SERPINB13: variants seen among roughly 807,000 people sequenced by gnomAD.
The protein encoded by SERPINB13 is serpin family B member 13, also known as serpin B13.
SERPINB13 carries 26 observed loss-of-function variants against 31.2 expected under a neutral mutation model. That is an observed-to-expected ratio of 0.83 (90% confidence interval 0.61 to 1.15). The LOEUF is 1.15. Among genes scored for constraint, SERPINB13 ranks in the 50% most tolerant of loss-of-function variants. SERPINB13 has a pLI of 0.00. For missense variants in SERPINB13, 510 were observed against 469.4 expected (o/e 1.09, Z -0.80); for synonymous variants, 191 against 172.4 (o/e 1.11, Z -0.85).
rs547129439 is a variant in SERPINB13 at position 63,595,178 on chromosome 18, G to A, written c.765G>A (p.Leu255=). 6.2e-7 allele frequency: 1 copy of A among 1,611,616 alleles called. No homozygotes were observed. The highest frequency in any genetic ancestry group is 2.2e-5 in the East Asian group (1 of 44,870). The change falls in exon 7 of 8, where the codon CTG becomes CTA. Residue 255 remains leucine, a synonymous_variant. Transcript: ENST00000344731. ...FVLLPNDIDG[L]EKIIDKISPE... ...TTCTGCCCAACGACATCGATGGCCT[G>A]GAGAAGGTAAACGCTTACACCTCCT...
At position 63,589,934 on chromosome 18, in the gene SERPINB13, G is replaced by A. The variant is rs938686870; in HGVS notation, c.225+219G>A. The A allele has an allele frequency of 6.5e-6, 6 of 923,770 alleles. No homozygotes were observed. The East Asian group carries it at 1.1e-4, about 17-fold the overall frequency. The allele number at this position is 923,770 out of a possible 1,614,324, so 57.2% of individuals were successfully genotyped here. On this transcript the variant is annotated intron_variant, in intron 3 of 7. Transcript: ENST00000344731. ...CCTTAATATTGAGAAGAGACCTTAG[G>A]TGTAATGGACAATACCGCTATGATA... is the stretch of plus-strand genomic sequence containing the variant.
At position 63,597,259 on chromosome 18, in the gene SERPINB13, GC is replaced by G; in HGVS notation, c.1076del (p.Pro359GlnfsTer63). 1.2e-6 allele frequency: 2 copies of G among 1,614,184 alleles called. No individual in the cohort carries two copies. The highest frequency in any genetic ancestry group is 1.7e-6 in the Non-Finnish European group (2 of 1,180,034). ...ATGIGFTVTS[A>X]PGHENVHCNH... Reference sequence around the variant, plus strand: ...CGGCATAGGCTTTACTGTCACATCCGCCCCAGGTCATGAAAATGTTCACTGC... The same window carrying G: ...CGGCATAGGCTTTACTGTCACATCCGCCCAGGTCATGAAAATGTTCACTGC... On this transcript the variant is annotated frameshift_variant, in exon 8 of 8. Transcript: ENST00000344731. LOFTEE classifies it low-confidence loss of function (END_TRUNC).
At chr18:63,594,914 C>T (rs1912072993) in intron 6 of SERPINB13, 115 bp from the exon 7 acceptor site, 2 of 962,590 alleles carry the variant, frequency 2.1e-6, no homozygotes, top group East Asian at 2.6e-5. Flanking sequence ...TTCTGAGACT[C>T]TGATATTGGG....
intron 2 of SERPINB13, among the ~76,000 whole-genome samples, chr18:63,589,036 A>G (rs1911686753): frequency 1.3e-5 from 2 of 152,178 alleles, no homozygotes; most frequent in Admixed American, 1.3e-4. Flanking sequence ...ACCTGCTCCC[A>G]GATGCTTGAA....
chr18:63,589,535 A>T, intron 2 of SERPINB13, 121 bp from the exon 3 acceptor site: 3 of 1,284,954 alleles, frequency 2.3e-6, no homozygotes, highest in Non-Finnish European at 2.1e-6. Flanking sequence ...TTTTGCAAGG[A>T]GATAATGTCA....
intron 2 of SERPINB13, 94 bp downstream of exon 2, chr18:63,588,926 T>C (rs1470304867): frequency 1.5e-6 from 2 of 1,316,296 alleles, no homozygotes; most frequent in Non-Finnish European, 2.1e-6. Flanking sequence ...AAAAATACGC[T>C]CTTCTTGACC....
At chr18:63,589,515 C>T in intron 2 of SERPINB13, 141 bp from the exon 3 acceptor site, 2 of 1,039,118 alleles carry the variant, frequency 1.9e-6, no homozygotes, top group East Asian at 2.7e-5. Flanking sequence ...AAACGCAGAC[C>T]TTTTTCTGAT....
At position 63,595,145 on chromosome 18, in the gene SERPINB13, G is replaced by A. The variant is rs770493003; in HGVS notation, c.732G>A (p.Met244Ile). 9 of 1,613,882 alleles carry A rather than the reference G, an allele frequency of 5.6e-6. No individual in the cohort carries two copies. The highest frequency in any genetic ancestry group is 5.0e-5 in the Admixed American group (3 of 59,954). ...GIPYKNNDLS[M>I]FVLLPNDIDG... is the part of the protein sequence containing the mutation. ...CATATAAAAACAACGACCTAAGCAT[G>A]TTTGTGCTTCTGCCCAACGACATCG... is the stretch of plus-strand genomic sequence containing the variant. The change falls in exon 7 of 8, where the codon ATG (methionine) becomes ATA (isoleucine). Residue 244 changes from methionine (M) to isoleucine (I), a missense_variant. Met to Ile is a conservative substitution (Grantham distance 10, BLOSUM62 1). Transcript: ENST00000344731.
intron 3 of SERPINB13, 173 bp downstream of exon 3, chr18:63,589,888 G>T (rs941485893): frequency 1.2e-5 from 16 of 1,288,288 alleles, no homozygotes; most frequent in Non-Finnish European, 1.7e-5. Flanking sequence ...TTGTTGTAAG[G>T]ATTATACAAT....
chr18:63,588,491 AAG>A (rs1911642017), intron 1 of SERPINB13, among the ~76,000 whole-genome samples, 158 bp from the exon 2 acceptor site: 1 of 152,346 alleles, frequency 6.6e-6, no homozygotes, highest in African/African-American at 2.4e-5. Context: ...AGAGAAGGCC[AAG>A]AGAGGACGTG....
Position 63,597,393 on chromosome 18 carries a change from T to C in SERPINB13, c.*30T>C. ...ATCGTTGCCATGGCATTGCTGCTTT[T>C]AGCAAAAAACAACTACCAGTGTTAC... is the stretch of plus-strand genomic sequence containing the variant. On this transcript the variant is annotated 3_prime_UTR_variant, in exon 8 of 8. Transcript: ENST00000344731. 1 of 1,570,836 alleles carries C rather than the reference T, an allele frequency of 6.4e-7. No homozygotes were observed. Among genetic ancestry groups the C allele is most frequent in the Non-Finnish European group, 8.6e-7 (1 of 1,157,844 alleles).
rs1013692647 is a variant in SERPINB13, at chr18:63,598,052, G to A, written c.*689G>A. Reference sequence around the variant, plus strand: ...TCTATCACCTTTTTAGACTTTGTAAGGTAAATATTTGGACTAACTTTTAGA... The same window carrying A: ...TCTATCACCTTTTTAGACTTTGTAAAGTAAATATTTGGACTAACTTTTAGA... On this transcript the variant is annotated 3_prime_UTR_variant, in exon 8 of 8. Transcript: ENST00000344731. The A allele has an allele frequency of 6.6e-6, 1 of 151,450 alleles. No individual in the cohort carries two copies. Among genetic ancestry groups the A allele is most frequent in the Admixed American group, 6.6e-5 (1 of 15,218 alleles). The allele number at this position is 151,450 out of a possible 1,614,324, so 9.4% of individuals were successfully genotyped here. A position where few individuals can be genotyped will look rare whatever the true frequency, so the allele number is the denominator to read the frequency against.
chr18:63,595,459 C>G (rs1912109817), intron 7 of SERPINB13, among the ~76,000 whole-genome samples: 2 of 152,188 alleles, frequency 1.3e-5, no homozygotes, highest in South Asian at 4.1e-4. Flanking sequence ...TGGTTGGTAT[C>G]TATGGACCCC....
chr18:63,589,203 T>G (rs1408202106), intron 2 of SERPINB13, among the ~76,000 whole-genome samples: 2 of 152,048 alleles, frequency 1.3e-5, no homozygotes. Context: ...GTATTTTTAG[T>G]AAAGAAGGGG....
chr18:63,592,169 T>C (rs1383293459), intron 3 of SERPINB13, among the ~76,000 whole-genome samples, 179 bp from the exon 4 acceptor site: 1 of 152,152 alleles, frequency 6.6e-6, no homozygotes, highest in African/African-American at 2.4e-5. Flanking sequence ...TGGTCATAAC[T>C]GACATTATCA....
chr18:63,593,982 C>G, intron 5 of SERPINB13: 1 of 481,786 alleles, frequency 2.1e-6, no homozygotes, highest in Non-Finnish European at 4.2e-6. Context: ...ATCATTTGTT[C>G]CTTTCAACAA....
chr18:63,592,879 A>G lies in SERPINB13; in HGVS notation c.380A>G (p.Tyr127Cys), dbSNP rs146889934. 29 of 1,604,256 alleles carry G rather than the reference A, an allele frequency of 1.8e-5. No individual in the cohort carries two copies. In the African/African-American group the frequency reaches 3.5e-4, roughly 19 times the overall value. The part of the protein sequence containing the change: ...LQKYLDYVEK[Y>C]YHASLEPVDF... ...AAATACTTAGATTATGTTGAAAAAT[A>G]TTATCATGCATCTCTGGAACCTGTT... Residue 127 changes from tyrosine to cysteine, a missense_variant, in exon 5 of 8, where the codon TAT (tyrosine) becomes TGT (cysteine). Coordinates refer to ENST00000344731, the MANE Select transcript of SERPINB13 (RefSeq NM_012397.4).
chr18:63,591,169 T>A (rs1191290296), intron 3 of SERPINB13, among the ~76,000 whole-genome samples: 2 of 152,186 alleles, frequency 1.3e-5, no homozygotes, highest in Non-Finnish European at 2.9e-5. Flanking sequence ...GTCCCACTAT[T>A]GTGGATTAGG....
chr18:63,593,540 C>T (rs544462627), intron 5 of SERPINB13, among the ~76,000 whole-genome samples: 126 of 152,292 alleles, frequency 8.3e-4, no homozygotes, highest in African/African-American at 2.9e-3. Context: ...GAGGATTTGA[C>T]AAGTTTCTTA....
Sources: gnomAD v4.1 joint callset for allele counts (sites outside exome capture counted in the v4.1 genomes callset) on GRCh38, gnomAD v4.1.1 for gene constraint, MANE v1.5 for transcripts, NCBI Gene and HGNC (gene_info 2026-07-23, HGNC 2026-07-21) for gene names.